The following KIFC3 variants were observed in gnomAD, a reference collection of about 807,000 sequenced individuals.
The protein encoded by KIFC3 is kinesin-like protein KIFC3.
Under a neutral mutation model 101.8 loss-of-function variants are expected in KIFC3, and 60 were observed. The ratio of observed to expected loss-of-function variants is 0.59; its 90% CI spans 0.48 to 0.73. The LOEUF is 0.73. Among genes scored for constraint, KIFC3 ranks in the 30% least tolerant of loss-of-function variants. The pLI, the probability that KIFC3 is intolerant of heterozygous loss-of-function variation, is 0.00. For synonymous variants in KIFC3, 476 were observed against 482.7 expected (o/e 0.99, Z 0.18); for missense variants, 966 against 1,137.1 (o/e 0.85, Z 2.16).
chr16:57,823,684 C>G (rs551851917), intron 1 of KIFC3, among the ~76,000 whole-genome samples: 27 of 152,182 alleles, frequency 1.8e-4, no homozygotes, highest in Admixed American at 5.9e-4. Context: ...CCTCCACCCC[C>G]CAGGTTCCAG....
intron 3 of KIFC3, among the ~76,000 whole-genome samples, chr16:57,789,335 G>C (rs2053646378): frequency 6.6e-6 from 1 of 152,254 alleles, no homozygotes; most frequent in African/African-American, 2.4e-5. Flanking sequence ...GACAAAGAGA[G>C]CCAGTGCACA....
intron 1 of KIFC3, among the ~76,000 whole-genome samples, chr16:57,820,989 A>C (rs1010062452): frequency 1.2e-4 from 18 of 152,144 alleles, no homozygotes; most frequent in Non-Finnish European, 8.8e-5. Context: ...AAAATTAGCC[A>C]GGTGAGGTAG....
intron 3 of KIFC3, among the ~76,000 whole-genome samples, chr16:57,792,976 AAATAAAT>A (rs1555620923): frequency 6.6e-6 from 1 of 152,052 alleles, no homozygotes; most frequent in African/African-American, 2.4e-5. Context: ...ATAACATGTA[AAATAAAT>A]AATAAAAATC....
chr16:57,823,761 TTG>T (rs542476459), intron 1 of KIFC3, among the ~76,000 whole-genome samples: 11,331 of 136,550 alleles, frequency 0.083, 540 homozygotes, highest in Middle Eastern at 0.16. Flanking sequence ...CCCGGCTACT[TTG>T]TGTGTGTGTG....
chr16:57,818,609 G>T (rs1442335500), intron 1 of KIFC3, among the ~76,000 whole-genome samples: 2 of 152,108 alleles, frequency 1.3e-5, no homozygotes, highest in African/African-American at 4.8e-5. Context: ...GGATCCTCCT[G>T]CCTCGGCCTC....
chr16:57,774,062 A>T (rs2051672165), intron 3 of KIFC3: 1 of 152,284 alleles, frequency 6.6e-6, no homozygotes, highest in African/African-American at 2.4e-5. Flanking sequence ...AGGTGACCCA[A>T]GGGCCAGACC....
At chr16:57,759,874 C>T (rs1555594287) in intron 17 of KIFC3, 38 bp from the exon 18 acceptor site, 1 of 1,499,366 alleles carries the variant, frequency 6.7e-7, no homozygotes. Context: ...GGGGCCACGG[C>T]TGCCCTGGCT....
chr16:57,799,243 G>T (rs2054570374), intron 1 of KIFC3, among the ~76,000 whole-genome samples: 1 of 152,210 alleles, frequency 6.6e-6, no homozygotes, highest in African/African-American at 2.4e-5. Flanking sequence ...CAACCTTGAG[G>T]ACATTTAAGG....
upstream of KIFC3, chr16:57,803,528 A>AC (rs1490664749): frequency 1.3e-5 from 5 of 390,238 alleles, no homozygotes; most frequent in Admixed American, 1.4e-4. Flanking sequence ...CAAGGAGAGG[A>AC]CTGGAGGGGG....
chr16:57,760,208 G>T, intron 17 of KIFC3, 74 bp downstream of exon 17: 1 of 1,529,940 alleles, frequency 6.5e-7, no homozygotes, highest in Non-Finnish European at 8.8e-7. Context: ...TCCCCGCCCA[G>T]CTCCCTGCTC....
intron 1 of KIFC3, among the ~76,000 whole-genome samples, chr16:57,799,132 G>A (rs2054562545): frequency 6.6e-6 from 1 of 152,230 alleles, no homozygotes; most frequent in Non-Finnish European, 1.5e-5. Context: ...GTCAGGGATA[G>A]AAAGCTTCAG....
At chr16:57,780,478 T>A (rs1598036852) in intron 3 of KIFC3, among the ~76,000 whole-genome samples, 1 of 150,674 alleles carries the variant, frequency 6.6e-6, no homozygotes, top group East Asian at 2.0e-4. Context: ...GCCACTTCAC[T>A]CCAGCCTGGG....
In KIFC3 at chr16:57,842,024, C is replaced by T. The variant is rs191846783; in HGVS notation, c.108+20705G>A. ...CCGGCCATCTCCTGCCTTCTCCCTGCGTTTGAATCTCCTCATGCTTCCTTA... is the reference window on the plus strand; with the variant it reads ...CCGGCCATCTCCTGCCTTCTCCCTGTGTTTGAATCTCCTCATGCTTCCTTA... On this transcript the variant is annotated intron_variant, in intron 1 of 2. Coordinates refer to the KIFC3 transcript ENST00000563028. Among the ~76,000 whole-genome samples, 32 of 152,168 alleles carry T rather than the reference C, an allele frequency of 2.1e-4. No homozygotes were observed. The South Asian group carries it at 6.2e-3, about 30-fold the overall frequency.
chr16:57,846,862 G>A (rs1211511399), intron 1 of KIFC3, among the ~76,000 whole-genome samples: 1 of 152,108 alleles, frequency 6.6e-6, no homozygotes, highest in Non-Finnish European at 1.5e-5. Context: ...AAAAAGAAGT[G>A]TGTTTTCCTT....
Position 57,852,966 on chromosome 16 carries a change from A to C in KIFC3, c.108+9763T>G, listed in dbSNP as rs113829662. 9.8e-3 allele frequency among the ~76,000 whole-genome samples: 1,488 copies of C among 152,304 alleles called. 22 individuals carry two copies. The highest frequency in any genetic ancestry group is 0.033 in the African/African-American group (1,378 of 41,576). On this transcript the variant is annotated intron_variant, in intron 1 of 2. Coordinates refer to the KIFC3 transcript ENST00000563028. ...ATAGAAATTTTTTTGTACAGAACTA[A>C]AATTAGTATGCTATAGTATATTTCT...
intron 1 of KIFC3, among the ~76,000 whole-genome samples, chr16:57,812,282 T>A (rs1290907854): frequency 2.6e-5 from 4 of 151,114 alleles, no homozygotes; most frequent in African/African-American, 9.7e-5. Flanking sequence ...GACCTCATGA[T>A]CTGCCCGCCT....
intron 1 of KIFC3, among the ~76,000 whole-genome samples, chr16:57,799,191 T>G (rs1555624684): frequency 6.6e-6 from 1 of 152,210 alleles, no homozygotes; most frequent in Non-Finnish European, 1.5e-5. Context: ...AGCTCAGGTA[T>G]TCCCTGCAGA....
chr16:57,849,151 G>A (rs779249828), intron 1 of KIFC3, among the ~76,000 whole-genome samples: 21 of 152,252 alleles, frequency 1.4e-4, no homozygotes, highest in South Asian at 1.2e-3. Context: ...GGCTCTACTC[G>A]TCTAAATTTA....
chr16:57,782,027 T>C (rs1486773241), intron 3 of KIFC3: 2 of 984,874 alleles, frequency 2.0e-6, no homozygotes, highest in Non-Finnish European at 2.4e-6. Context: ...CAAGGCAGAG[T>C]GTACCCCCTG....
Sources: allele counts gnomAD v4.1 joint callset (sites outside exome capture counted in the v4.1 genomes callset), GRCh38; gene constraint gnomAD v4.1.1; transcripts MANE v1.5; gene names NCBI Gene and HGNC (gene_info 2026-07-23, HGNC 2026-07-21).